The following KIAA1328 variants were observed in gnomAD, a reference collection of about 807,000 sequenced individuals.
KIAA1328 encodes KIAA1328.
Under a neutral mutation model 68.1 loss-of-function variants are expected in KIAA1328, and 52 were observed. The ratio of observed to expected loss-of-function variants is 0.76; its 90% confidence interval spans 0.61 to 0.96. The LOEUF (loss-of-function observed/expected upper bound fraction) is 0.96, where lower values mean the gene tolerates loss of function less well. Among genes scored for constraint, KIAA1328 ranks in the 40% least tolerant of loss-of-function variants. The probability of loss-of-function intolerance (pLI) is 0.00; values close to 1 mark genes in which losing one functional copy is unlikely to be tolerated. For synonymous variants in KIAA1328, 232 were observed against 239.4 expected, an observed-to-expected ratio of 0.97 and a Z score of 0.28; for missense variants, 641 against 677.6, an observed-to-expected ratio of 0.95 and a Z score of 0.60.
intron 9 of KIAA1328, among the ~76,000 whole-genome samples, chr18:37,182,134 C>T (rs965741421): frequency 1.3e-5 from 2 of 152,192 alleles, no homozygotes; most frequent in Non-Finnish European, 2.9e-5. Context: ...TGTCATTTCA[C>T]AGCTTTTAGC....
chr18:37,071,570 A>G (rs1003488745), intron 7 of KIAA1328, among the ~76,000 whole-genome samples: 4 of 152,196 alleles, frequency 2.6e-5, no homozygotes, highest in Non-Finnish European at 5.9e-5. Context: ...CCAGTATTAT[A>G]AGTAATGTAG....
intron 5 of KIAA1328, among the ~76,000 whole-genome samples, chr18:36,898,898 A>G (rs1439116882): frequency 6.6e-6 from 1 of 152,002 alleles, no homozygotes; most frequent in African/African-American, 2.4e-5. Context: ...TAGTTGCTTT[A>G]CACATTTCTT....
chr18:37,120,641 C>A (rs1477801350), intron 7 of KIAA1328, among the ~76,000 whole-genome samples: 1 of 152,138 alleles, frequency 6.6e-6, no homozygotes, highest in Non-Finnish European at 1.5e-5. Flanking sequence ...CAGAAACTCT[C>A]AAGGAGAGCC....
intron 5 of KIAA1328, among the ~76,000 whole-genome samples, chr18:36,917,864 A>T (rs2049767396): frequency 6.6e-6 from 1 of 152,194 alleles, no homozygotes; most frequent in Admixed American, 6.5e-5. Flanking sequence ...TCAGGCAAAA[A>T]GTCATAAGAA....
chr18:36,905,342 C>G (rs1486541074), intron 5 of KIAA1328, among the ~76,000 whole-genome samples: 2 of 151,932 alleles, frequency 1.3e-5, no homozygotes, highest in African/African-American at 4.8e-5. Context: ...GAATTCCTGA[C>G]CTCAAGTGAT....
intron 6 of KIAA1328, among the ~76,000 whole-genome samples, chr18:37,031,958 G>C (rs1369760630): frequency 6.6e-6 from 1 of 152,040 alleles, no homozygotes; most frequent in Non-Finnish European, 1.5e-5. Context: ...CTTGACTCCA[G>C]GAGTTCAAGA....
chr18:36,847,354 C>T (rs2047063116), intron 4 of KIAA1328, among the ~76,000 whole-genome samples: 1 of 151,556 alleles, frequency 6.6e-6, no homozygotes, highest in South Asian at 2.1e-4. Flanking sequence ...TGTGCCATTT[C>T]ACATTTCCAC....
chr18:37,011,251 T>C (rs1306690281), intron 6 of KIAA1328, among the ~76,000 whole-genome samples: 2 of 152,198 alleles, frequency 1.3e-5, no homozygotes, highest in Non-Finnish European at 2.9e-5. Flanking sequence ...AAACTTAGCA[T>C]AGCTATAATT....
intron 9 of KIAA1328, among the ~76,000 whole-genome samples, chr18:37,185,741 G>A (rs1042025939): frequency 2.8e-5 from 4 of 141,550 alleles, no homozygotes; most frequent in Non-Finnish European, 6.1e-5. Context: ...ACACACACAC[G>A]TACACACACA....
intron 4 of KIAA1328, among the ~76,000 whole-genome samples, chr18:36,871,928 C>G (rs72885296): frequency 0.13 from 20,282 of 152,008 alleles, 1,738 homozygotes; most frequent in Non-Finnish European, 0.18. Context: ...AGAGCTTGAA[C>G]TCTCTTGCAG....
chr18:37,209,927 T>G (rs538873317), intron 9 of KIAA1328, among the ~76,000 whole-genome samples: 1 of 152,302 alleles, frequency 6.6e-6, no homozygotes, highest in South Asian at 2.1e-4. Flanking sequence ...CCCATGAGAA[T>G]GGATAGCATC....
At chr18:36,929,139 T>A (rs2050224314) in intron 5 of KIAA1328, among the ~76,000 whole-genome samples, 1 of 152,206 alleles carries the variant, frequency 6.6e-6, no homozygotes, top group Non-Finnish European at 1.5e-5. Context: ...ATCTTAAAGT[T>A]CCCTTTAGCT....
intron 5 of KIAA1328, among the ~76,000 whole-genome samples, chr18:36,956,785 G>A (rs151201351): frequency 1.4e-3 from 211 of 152,178 alleles, no homozygotes; most frequent in African/African-American, 4.8e-3. Context: ...TACTGCCTGT[G>A]GTAACAGCGA....
chr18:36,955,839 A>G (rs1241515997), intron 5 of KIAA1328: 1 of 151,502 alleles, frequency 6.6e-6, no homozygotes, highest in Admixed American at 6.6e-5. Context: ...TTAGTTCTGT[A>G]TTAGGTCAAG....
chr18:37,226,096 T>C (rs548684131), downstream of KIAA1328, among the ~76,000 whole-genome samples: 2 of 152,118 alleles, frequency 1.3e-5, no homozygotes, highest in South Asian at 4.1e-4. Flanking sequence ...TTTCCACCAC[T>C]GTGGTTCTCT....
At chr18:37,153,705 A>C (rs2059091559) in intron 7 of KIAA1328, among the ~76,000 whole-genome samples, 1 of 143,576 alleles carries the variant, frequency 7.0e-6, no homozygotes, top group South Asian at 2.2e-4. Context: ...GGACTGGTTC[A>C]GAAACTGGAC....
At chr18:37,017,199 C>T (rs2054182784) in intron 6 of KIAA1328, among the ~76,000 whole-genome samples, 1 of 151,876 alleles carries the variant, frequency 6.6e-6, no homozygotes, top group South Asian at 2.1e-4. Flanking sequence ...TTATTTCTGC[C>T]TTGATTTTGT....
chr18:37,040,102 C>T (rs1018148557), intron 6 of KIAA1328, among the ~76,000 whole-genome samples: 2 of 152,148 alleles, frequency 1.3e-5, no homozygotes, highest in Non-Finnish European at 2.9e-5. Flanking sequence ...CATTGACTTC[C>T]CTTTTGCCAC....
intron 9 of KIAA1328, among the ~76,000 whole-genome samples, chr18:37,215,079 C>A (rs904521968): frequency 6.6e-6 from 1 of 152,004 alleles, no homozygotes; most frequent in Non-Finnish European, 1.5e-5. Flanking sequence ...CTAAATATAC[C>A]ATCATGTCAT....
Sources: gnomAD v4.1 joint callset for allele counts (sites outside exome capture counted in the v4.1 genomes callset) on GRCh38, gnomAD v4.1.1 for gene constraint, MANE v1.5 for transcripts, NCBI Gene and HGNC (gene_info 2026-07-23, HGNC 2026-07-21) for gene names.